The following PI4KA variants were observed in gnomAD, a reference collection of about 807,000 sequenced individuals.
The protein encoded by PI4KA is PI4-kinase alpha.
Under a neutral mutation model 271.4 loss-of-function variants are expected in PI4KA, and 122 were observed. That is an observed-to-expected ratio of 0.45 (90% confidence interval 0.39 to 0.52). PI4KA has a LOEUF of 0.52. Ranked by LOEUF, PI4KA falls within the 20% of genes least tolerant of loss-of-function variation. The probability of loss-of-function intolerance (pLI) is 0.00; values close to 1 mark genes in which losing one functional copy is unlikely to be tolerated. For synonymous variants in PI4KA, 1,041 were observed against 1,078.8 expected, an observed-to-expected ratio of 0.96 and a Z score of 0.69; for missense variants, 1,969 against 2,769.1, an observed-to-expected ratio of 0.71 and a Z score of 6.48.
Position 20,744,658 on chromosome 22 carries a change from G to A in PI4KA, c.3426C>T (p.Ser1142=). 1 of 1,614,154 alleles carries A rather than the reference G, an allele frequency of 6.2e-7. No homozygotes were observed. The highest frequency in any genetic ancestry group is 1.7e-5 in the Admixed American group (1 of 60,022). The change falls in exon 30 of 55, where the codon TCC becomes TCT. Residue 1142 remains serine, a synonymous_variant. Transcript: ENST00000255882. ...CCGCGTAGCGGTTGCGCAGATTCAG[G>A]GATGCCATGAAGTTGGAGTAGTCTT... ...VKKDYSNFMA[S]LNLRNRYAGE...
chr22:20,759,779 A>G (rs1931762929), intron 23 of PI4KA, among the ~76,000 whole-genome samples: 1 of 152,112 alleles, frequency 6.6e-6, no homozygotes, highest in Non-Finnish European at 1.5e-5. Flanking sequence ...GTTAGCCAGG[A>G]CGGTCTTGAT....
In PI4KA at chr22:20,707,994, T is replaced by A. The variant is rs1453251772; in HGVS notation, c.*53A>T. ...GCAGGGAGGTCGCAGGGCTCCATGA[T>A]TGTGGGACAGCTTTGAGGGCACATG... On this transcript the variant is annotated 3_prime_UTR_variant, in exon 55 of 55. Coordinates refer to ENST00000255882, the MANE Select transcript of PI4KA (RefSeq NM_058004.4). 70 of 1,456,584 alleles carry A rather than the reference T, an allele frequency of 4.8e-5. No homozygotes were observed. The highest frequency in any genetic ancestry group is 6.5e-5 in the Non-Finnish European group (67 of 1,037,262). The allele number at this position is 1,456,584 out of a possible 1,614,324, so 90.2% of individuals were successfully genotyped here.
At position 20,858,621 on chromosome 22, in the gene PI4KA, G is replaced by A. The variant is rs1305307350; in HGVS notation, c.105C>T (p.Val35=). 3 of 1,487,614 alleles carry A rather than the reference G, an allele frequency of 2.0e-6. No homozygotes were observed. Among genetic ancestry groups the A allele is most frequent in the African/African-American group, 2.9e-5 (2 of 68,862 alleles). 92.2% of individuals were successfully genotyped at this position (1,487,614 alleles called of 1,614,324 possible). A position where few individuals can be genotyped will look rare whatever the true frequency, so the allele number is the denominator to read the frequency against. Reference sequence around the variant, plus strand: ...CCGCCAGGGAGCGGGCCAGTGACAGGACCGTGTTGAAATAGAAGCCCCGCG... The same window carrying A: ...CCGCCAGGGAGCGGGCCAGTGACAGAACCGTGTTGAAATAGAAGCCCCGCG... ...SASRGFYFNT[V]LSLARSLAVQ... Residue 35 remains valine (V), a synonymous_variant, in exon 1 of 55, where the codon GTC becomes GTT. Coordinates refer to ENST00000255882, the MANE Select transcript of PI4KA (RefSeq NM_058004.4).
At chr22:20,710,304 C>T (rs889320008) in intron 52 of PI4KA, 22 of 540,268 alleles carry the variant, frequency 4.1e-5, no homozygotes, top group Middle Eastern at 5.0e-4. Flanking sequence ...CTGCCTTTCT[C>T]TGCAGGGCAG....
At chr22:20,716,325 T>G in intron 45 of PI4KA, among the ~76,000 whole-genome samples, 1 of 152,238 alleles carries the variant, frequency 6.6e-6, no homozygotes, top group Non-Finnish European at 1.5e-5. Context: ...GTGCTGGGAT[T>G]ACAGGCATGA....
chr22:20,858,432 C>T (rs1927921460), intron 1 of PI4KA, 138 bp downstream of exon 1: 4 of 563,976 alleles, frequency 7.1e-6, no homozygotes, highest in Non-Finnish European at 1.1e-5. Context: ...CCGCTAGATC[C>T]CTCCGCTCAG....
chr22:20,839,291 T>C (rs752244494), intron 1 of PI4KA, among the ~76,000 whole-genome samples: 2 of 152,176 alleles, frequency 1.3e-5, no homozygotes, highest in Non-Finnish European at 2.9e-5. Flanking sequence ...ATAGTTTTTT[T>C]TCAGTTAAAA....
chr22:20,713,595 T>C (rs891334955), intron 47 of PI4KA, among the ~76,000 whole-genome samples: 5 of 152,202 alleles, frequency 3.3e-5, no homozygotes, highest in African/African-American at 1.2e-4. Flanking sequence ...GGTTGGAGTC[T>C]AAGAACATTT....
intron 42 of PI4KA, among the ~76,000 whole-genome samples, chr22:20,723,126 TTC>T (rs1323648420): frequency 6.6e-6 from 1 of 151,608 alleles, no homozygotes; most frequent in African/African-American, 2.4e-5. Context: ...GTTCACGCCA[TTC>T]TCCTGCCTCA....
At chr22:20,806,955 G>A (rs1184553646) in intron 10 of PI4KA, among the ~76,000 whole-genome samples, 4 of 152,028 alleles carry the variant, frequency 2.6e-5, no homozygotes, top group South Asian at 2.1e-4. Flanking sequence ...GGCTGGTCTC[G>A]AACTCCTGAC....
chr22:20,711,472 A>G lies in PI4KA; in HGVS notation c.5803-11T>C, dbSNP rs1380234341. 3 of 1,367,322 alleles carry G rather than the reference A, an allele frequency of 2.2e-6. No homozygotes were observed. Among genetic ancestry groups the G allele is most frequent in the Admixed American group, 2.0e-5 (1 of 49,050 alleles). The allele number at this position is 1,367,322 out of a possible 1,614,324, so 84.7% of individuals were successfully genotyped here. A position where few individuals can be genotyped will look rare whatever the true frequency, so the allele number is the denominator to read the frequency against. On this transcript the variant is annotated splice_polypyrimidine_tract_variant and intron_variant, in intron 50 of 54. Coordinates refer to ENST00000255882, the MANE Select transcript of PI4KA (RefSeq NM_058004.4). ...GAAGTTGTAGCGGGCCTGTGCAGAG[A>G]GCGCCCTGGGCTCAAAAAGGCCCTG...
chr22:20,800,558 T>G (rs1397603768), intron 14 of PI4KA, among the ~76,000 whole-genome samples: 1 of 151,954 alleles, frequency 6.6e-6, no homozygotes, highest in Non-Finnish European at 1.5e-5. Context: ...TACATTACAA[T>G]TTTTCTCTAG....
chr22:20,810,307 C>A (rs1389803180), intron 9 of PI4KA, among the ~76,000 whole-genome samples: 1 of 152,018 alleles, frequency 6.6e-6, no homozygotes, highest in Admixed American at 6.6e-5. Context: ...GAGATTGAGA[C>A]CATCCTGGCT....
chr22:20,721,581 AG>A (rs745656801), intron 42 of PI4KA, 163 bp from the exon 43 acceptor site: 27 of 690,668 alleles, frequency 3.9e-5, no homozygotes, highest in Admixed American at 3.1e-4. Context: ...GAGTCCAGCC[AG>A]TGGCCAGGCC....
At chr22:20,739,496 A>C (rs899368210) in intron 32 of PI4KA, among the ~76,000 whole-genome samples, 12 of 151,770 alleles carry the variant, frequency 7.9e-5, no homozygotes, top group African/African-American at 2.9e-4. Context: ...AAGAAAAAAA[A>C]TAAAGACCTC....
chr22:20,759,413 T>TC, intron 23 of PI4KA, among the ~76,000 whole-genome samples: 1 of 143,900 alleles, frequency 6.9e-6, no homozygotes, highest in South Asian at 2.3e-4. Context: ...TTTTTTTTTT[T>TC]TTTTTTTTTT....
At chr22:20,722,025 T>A (rs1438859380) in intron 42 of PI4KA, 1 of 152,928 alleles carries the variant, frequency 6.5e-6, no homozygotes, top group African/African-American at 2.4e-5. Flanking sequence ...TGTTTGACAG[T>A]TCCTCCTACA....
chr22:20,724,744 C>A (rs1927146813), intron 42 of PI4KA, among the ~76,000 whole-genome samples: 1 of 152,180 alleles, frequency 6.6e-6, no homozygotes, highest in Non-Finnish European at 1.5e-5. Context: ...GTAGCCACCA[C>A]CAAGAGTTCA....
intron 6 of PI4KA, among the ~76,000 whole-genome samples, chr22:20,818,816 G>GTCA (rs1324495876): frequency 1.3e-5 from 2 of 152,172 alleles, no homozygotes; most frequent in Non-Finnish European, 2.9e-5. Flanking sequence ...TTCTCCATGA[G>GTCA]TCAATTATAT....
Sources: gnomAD v4.1 joint callset for allele counts (sites outside exome capture counted in the v4.1 genomes callset) on GRCh38, gnomAD v4.1.1 for gene constraint, MANE v1.5 for transcripts, NCBI Gene and HGNC (gene_info 2026-07-23, HGNC 2026-07-21) for gene names.